Variants in PHEX observed in about 807,000 individuals in gnomAD.
PHEX encodes phosphate-regulating neutral endopeptidase PHEX.
In PHEX, 16 loss-of-function variants were observed where a neutral mutation model predicts 68.0. That is an observed-to-expected ratio of 0.24 (90% confidence interval 0.16 to 0.36). The LOEUF is 0.36. Among genes scored for constraint, PHEX ranks in the 10% least tolerant of loss-of-function variants. The pLI, the probability that PHEX is intolerant of heterozygous loss-of-function variation, is 1.00. For missense variants in PHEX, 480 were observed against 575.5 expected (o/e 0.83, Z 1.70); for synonymous variants, 208 against 205.1 (o/e 1.01, Z -0.12).
At chrX:22,056,132 T>G (rs1928094624) in intron 3 of PHEX, among the ~76,000 whole-genome samples, 1 of 112,406 alleles carries the variant, frequency 8.9e-6, no homozygotes, top group Non-Finnish European at 1.9e-5. Context: ...AACATTTTGA[T>G]TGTACTACTC....
intron 16 of PHEX, among the ~76,000 whole-genome samples, chrX:22,215,281 A>G (rs111696839): frequency 0.015 from 1,726 of 111,521 alleles, 33 homozygotes; most frequent in African/African-American, 0.054. Context: ...TAGCTACTAC[A>G]TATCATTTGG....
At chrX:22,052,611 T>A (rs1927887536) in intron 3 of PHEX, among the ~76,000 whole-genome samples, 1 of 112,087 alleles carries the variant, frequency 8.9e-6, no homozygotes, top group South Asian at 3.7e-4. Flanking sequence ...ACTTGGAACA[T>A]GAGTTTAGAA....
At chrX:22,195,604 AAAAG>A (rs1934342272) in intron 15 of PHEX, among the ~76,000 whole-genome samples, 1 of 110,411 alleles carries the variant, frequency 9.1e-6, no homozygotes, top group African/African-American at 3.3e-5. Context: ...CAAAAAAAAA[AAAAG>A]AGATTTTATT....
At chrX:22,037,626 G>T (rs748754183) in intron 1 of PHEX, among the ~76,000 whole-genome samples, 1 of 110,914 alleles carries the variant, frequency 9.0e-6, no homozygotes, top group African/African-American at 3.3e-5. Context: ...TTCAATTTTA[G>T]ACTTTTTTTT....
At position 22,041,265 on chromosome X, in the gene PHEX, CTATATATATATATATA is replaced by C. The variant is rs556410356; in HGVS notation, c.187+2750_187+2765del. Reference sequence around the variant, plus strand: ...GATCTCTCTCTCTCTCTCTCTCTCTCTATATATATATATATATATATATATATATATATATATTTTA... The same window carrying C: ...GATCTCTCTCTCTCTCTCTCTCTCTCTATATATATATATATATATATTTTA... On this transcript the variant is annotated intron_variant, in intron 2 of 21. Coordinates refer to ENST00000379374, the MANE Select transcript of PHEX (RefSeq NM_000444.6). 4.9e-4 allele frequency among the ~76,000 whole-genome samples: 36 copies of C among 72,813 alleles called. 1 individual carries two copies. In the Middle Eastern group the frequency reaches 0.029, roughly 58 times the overall value. The allele number at this position is 72,813 out of a possible 115,157, so 63.2% of individuals were successfully genotyped here.
chrX:22,116,526 T>C (rs766414572), intron 11 of PHEX, among the ~76,000 whole-genome samples: 1 of 111,865 alleles, frequency 8.9e-6, no homozygotes, highest in Non-Finnish European at 1.9e-5. Flanking sequence ...GACATTGTAA[T>C]GTCATGATTG....
chrX:22,171,959 C>G (rs1319805524), intron 13 of PHEX: 2 of 111,232 alleles, frequency 1.8e-5, no homozygotes, highest in Non-Finnish European at 3.8e-5. Context: ...ATGGATCAGA[C>G]GAAGGTCAAG....
chrX:22,201,187 T>C (rs1934539336), intron 15 of PHEX, among the ~76,000 whole-genome samples: 1 of 110,758 alleles, frequency 9.0e-6, no homozygotes, highest in African/African-American at 3.3e-5. Context: ...TTTTTTGTTT[T>C]TGTTGTTGTG....
intron 3 of PHEX, among the ~76,000 whole-genome samples, chrX:22,063,357 T>C (rs769917222): frequency 8.9e-6 from 1 of 112,655 alleles, no homozygotes; most frequent in East Asian, 2.8e-4. Context: ...TTGGTCTGGA[T>C]ACATACCAGT....
chrX:22,212,869 T>A, intron 15 of PHEX, 35 bp from the exon 16 acceptor site: 1 of 1,090,979 alleles, frequency 9.2e-7, no homozygotes, highest in Non-Finnish European at 1.3e-6. Context: ...TGAATCAATC[T>A]CTCTATATCT....
At chrX:22,081,726 A>G (rs1220329988) in intron 5 of PHEX, among the ~76,000 whole-genome samples, 1 of 112,066 alleles carries the variant, frequency 8.9e-6, no homozygotes, top group African/African-American at 3.2e-5. Flanking sequence ...CCCCTGTGGC[A>G]AAATGATACA....
chrX:22,247,741 G>A (rs749099616), intron 21 of PHEX, 110 bp from the exon 22 acceptor site: 1 of 591,838 alleles, frequency 1.7e-6, no homozygotes, highest in Non-Finnish European at 2.9e-6. Context: ...CCTGTAAACA[G>A]ATTAAAAGAA....
chrX:22,175,348 GT>G (rs1477180493), intron 13 of PHEX, among the ~76,000 whole-genome samples: 93 of 91,594 alleles, frequency 1.0e-3, no homozygotes, highest in South Asian at 1.4e-3. Flanking sequence ...TCTTTACAAC[GT>G]TTTTTTTTTT....
intron 11 of PHEX, among the ~76,000 whole-genome samples, chrX:22,127,968 C>G (rs986907724): frequency 2.7e-5 from 3 of 111,896 alleles, no homozygotes; most frequent in African/African-American, 9.7e-5. Flanking sequence ...TCATTTTTCA[C>G]TCTGGCAGTG....
chrX:22,129,309 C>T (rs1033639399), intron 11 of PHEX, among the ~76,000 whole-genome samples: 1 of 112,023 alleles, frequency 8.9e-6, no homozygotes, highest in African/African-American at 3.2e-5. Flanking sequence ...ATTTTCAGAA[C>T]ACAGTTGCCC....
In PHEX at chrX:22,047,152, A is replaced by G. The variant is rs996361707; in HGVS notation, c.290A>G (p.Asp97Gly). 4 of 1,207,593 alleles carry G rather than the reference A, an allele frequency of 3.3e-6. No homozygotes were observed. In the African/African-American group the frequency reaches 5.2e-5, roughly 16 times the overall value. The change falls in exon 3 of 22, where the codon GAT becomes GGT. Residue 97 changes from aspartate (D) to glycine (G), a missense_variant. Transcript: ENST00000379374. ...ATAAGCAATAATCCAATTCCCGAAG[A>G]TATGCCAAGCTATGGGGTTTATCCT... ...GWISNNPIPE[D>G]MPSYGVYPWL... is the part of the protein sequence containing the mutation.
At chrX:22,111,358 G>C (rs1930955815) in intron 9 of PHEX, 109 bp from the exon 10 acceptor site, 1 of 640,123 alleles carries the variant, frequency 1.6e-6, no homozygotes, top group Non-Finnish European at 2.6e-6. Context: ...TTTTGTATGA[G>C]TAAGAGGTCC....
chrX:22,048,872 C>T (rs1013890134), intron 3 of PHEX, among the ~76,000 whole-genome samples: 1 of 111,481 alleles, frequency 9.0e-6, no homozygotes, highest in African/African-American at 3.3e-5. Flanking sequence ...CTCATAAATC[C>T]GTCACAAGAA....
chrX:22,095,244 C>A lies in PHEX; in HGVS notation c.849+1145C>A, dbSNP rs147428142. On this transcript the variant is annotated intron_variant, in intron 7 of 21. Coordinates refer to ENST00000379374, the MANE Select transcript of PHEX (RefSeq NM_000444.6). The stretch of plus-strand genomic sequence containing the variant: ...TCACCTTTGAAGACTGTGAAGACTG[C>A]TGCAGATGTTTCGAAGTCCAGGACT... 4.2e-3 allele frequency among the ~76,000 whole-genome samples: 474 copies of A among 111,880 alleles called. 1 individual carries two copies. Among genetic ancestry groups the A allele is most frequent in the African/African-American group, 0.015 (457 of 30,775 alleles).
Sources: gnomAD v4.1 joint callset for allele counts (sites outside exome capture counted in the v4.1 genomes callset) on GRCh38, gnomAD v4.1.1 for gene constraint, MANE v1.5 for transcripts, NCBI Gene and HGNC (gene_info 2026-07-23, HGNC 2026-07-21) for gene names.